Variants in CTNNA2 observed in about 807,000 individuals in gnomAD.
CTNNA2 encodes the protein catenin alpha 2.
A neutral mutation model predicts 101.0 loss-of-function variants in CTNNA2; 42 were observed. That is an observed-to-expected ratio of 0.42 (90% CI 0.32 to 0.54). The LOEUF (loss-of-function observed/expected upper bound fraction) is 0.54, where lower values mean the gene tolerates loss of function less well. Among genes scored for constraint, CTNNA2 ranks in the 20% least tolerant of loss-of-function variants. The pLI is 0.14. For missense variants in CTNNA2, 871 were observed against 1,223.1 expected, an observed-to-expected ratio of 0.71 and a Z score of 4.29; for synonymous variants, 450 against 456.4, an observed-to-expected ratio of 0.99 and a Z score of 0.18.
intron 7 of CTNNA2, among the ~76,000 whole-genome samples, chr2:80,227,896 C>T (rs1196365009): frequency 6.6e-6 from 1 of 151,818 alleles, no homozygotes; most frequent in Non-Finnish European, 1.5e-5. Context: ...TAACCACATG[C>T]TTAAGTTATT....
intron 2 of CTNNA2, among the ~76,000 whole-genome samples, chr2:79,203,748 T>G (rs556211777): frequency 1.2e-3 from 185 of 152,388 alleles, no homozygotes; most frequent in African/African-American, 4.3e-3. Context: ...ACCACTGCTC[T>G]TAAATTATAC....
At chr2:80,204,325 T>G (rs995302156) in intron 7 of CTNNA2, among the ~76,000 whole-genome samples, 4 of 152,242 alleles carry the variant, frequency 2.6e-5, no homozygotes, top group African/African-American at 9.6e-5. Flanking sequence ...CAAACGTTTA[T>G]GCTGTCTTTC....
intron 15 of CTNNA2, among the ~76,000 whole-genome samples, chr2:80,597,350 A>C (rs1386759675): frequency 5.3e-5 from 8 of 152,220 alleles, no homozygotes; most frequent in African/African-American, 1.2e-4. Flanking sequence ...CCAAAACCAA[A>C]CAAACAAACA....
chr2:79,907,336 C>T (rs1016660827), intron 6 of CTNNA2, among the ~76,000 whole-genome samples: 146 of 146,512 alleles, frequency 1.0e-3, no homozygotes, highest in African/African-American at 2.9e-3. Context: ...TATATATACA[C>T]ACACACACAC....
chr2:80,067,835 C>T (rs1248047049), intron 7 of CTNNA2, among the ~76,000 whole-genome samples: 8 of 152,114 alleles, frequency 5.3e-5, no homozygotes, highest in African/African-American at 1.9e-4. Flanking sequence ...ATCCTAAGGC[C>T]TCTTGTCAAC....
intron 4 of CTNNA2, among the ~76,000 whole-genome samples, chr2:79,402,850 C>T (rs1678304570): frequency 6.6e-6 from 1 of 151,626 alleles, no homozygotes. Context: ...ATGGAAATTA[C>T]ACAGCACAGT....
intron 9 of CTNNA2, among the ~76,000 whole-genome samples, chr2:80,466,612 A>G (rs969926104): frequency 6.6e-6 from 1 of 152,098 alleles, no homozygotes; most frequent in Non-Finnish European, 1.5e-5. Flanking sequence ...TATTTCTTCA[A>G]AAAAAAATCT....
intron 3 of CTNNA2, among the ~76,000 whole-genome samples, chr2:79,778,354 TA>T (rs1298154131): frequency 1.3e-5 from 2 of 150,168 alleles, no homozygotes; most frequent in Non-Finnish European, 3.0e-5. Context: ...AAAAAAAAAA[TA>T]AAAAAAGGCT....
At chr2:80,520,240 A>G (rs1689426799) in intron 9 of CTNNA2, among the ~76,000 whole-genome samples, 1 of 151,984 alleles carries the variant, frequency 6.6e-6, no homozygotes, top group Admixed American at 6.6e-5. Flanking sequence ...ACATAAAGGG[A>G]TCAATAAGCA....
chr2:79,735,097 C>A (rs1670775617), intron 2 of CTNNA2, among the ~76,000 whole-genome samples: 1 of 152,080 alleles, frequency 6.6e-6, no homozygotes, highest in Admixed American at 6.6e-5. Context: ...GAGAGATGGA[C>A]TGAACATCCT....
intron 3 of CTNNA2, among the ~76,000 whole-genome samples, chr2:79,821,253 A>T (rs567886723): frequency 6.6e-6 from 1 of 152,086 alleles, no homozygotes; most frequent in East Asian, 1.9e-4. Context: ...CTGTCACCCA[A>T]GCTGGAGTGT....
At chr2:80,542,739 CCAT>C (rs983289226) in intron 9 of CTNNA2, among the ~76,000 whole-genome samples, 21 of 152,004 alleles carry the variant, frequency 1.4e-4, no homozygotes, top group Admixed American at 5.9e-4. Flanking sequence ...GCAAAAACAG[CCAT>C]CATCTAAAAT....
chr2:80,496,202 T>G (rs1018511906), intron 9 of CTNNA2, among the ~76,000 whole-genome samples: 14 of 152,198 alleles, frequency 9.2e-5, no homozygotes, highest in African/African-American at 3.4e-4. Flanking sequence ...ATTTCTGTTG[T>G]TTTAAGCCAC....
intron 7 of CTNNA2, among the ~76,000 whole-genome samples, chr2:80,201,844 T>A (rs553144381): frequency 6.6e-6 from 1 of 152,304 alleles, no homozygotes; most frequent in East Asian, 1.9e-4. Flanking sequence ...ATTGCCCAAT[T>A]TTCTTTTCTC....
chr2:80,414,801 G>A (rs1455434204), intron 8 of CTNNA2, among the ~76,000 whole-genome samples: 1 of 152,156 alleles, frequency 6.6e-6, no homozygotes, highest in Non-Finnish European at 1.5e-5. Context: ...AGTTTCTAAT[G>A]CTTGAGACTA....
At chr2:79,766,693 T>C (rs1173038700) in intron 3 of CTNNA2, among the ~76,000 whole-genome samples, 1 of 152,176 alleles carries the variant, frequency 6.6e-6, no homozygotes, top group Non-Finnish European at 1.5e-5. Context: ...ATTTTCTAGA[T>C]CTATAGGTAT....
At chr2:79,912,848 A>G (rs1306554252) in intron 7 of CTNNA2, among the ~76,000 whole-genome samples, 1 of 152,234 alleles carries the variant, frequency 6.6e-6, no homozygotes, top group Non-Finnish European at 1.5e-5. Flanking sequence ...TATAGTGAAC[A>G]CATAAACCTT....
chr2:79,702,988 G>C lies in CTNNA2; in HGVS notation c.103-41399G>C, dbSNP rs78629787. Among the ~76,000 whole-genome samples the C allele has an allele frequency of 5.2e-3, 790 of 152,264 alleles. 10 individuals are homozygous for C. The highest frequency in any genetic ancestry group is 0.018 in the African/African-American group (754 of 41,552). Reference sequence around the variant, plus strand: ...TGGGTATTACTGGTCAAGAATATTTGTTGTTACCCTTAGAGAAAACACTCC... The same window carrying C: ...TGGGTATTACTGGTCAAGAATATTTCTTGTTACCCTTAGAGAAAACACTCC... On this transcript the variant is annotated intron_variant, in intron 2 of 18. Coordinates refer to ENST00000402739, the MANE Select transcript of CTNNA2 (RefSeq NM_001282597.3).
chr2:79,657,346 G>A (rs995614756), intron 2 of CTNNA2, among the ~76,000 whole-genome samples: 3 of 151,730 alleles, frequency 2.0e-5, no homozygotes, highest in African/African-American at 7.2e-5. Context: ...TCTAAAGGAA[G>A]GGAATCAGTT....
Sources: gnomAD v4.1 joint callset for allele counts (sites outside exome capture counted in the v4.1 genomes callset) on GRCh38, gnomAD v4.1.1 for gene constraint, MANE v1.5 for transcripts, NCBI Gene and HGNC (gene_info 2026-07-23, HGNC 2026-07-21) for gene names.